SCAF8: variants seen among roughly 807,000 people sequenced by gnomAD.
The protein encoded by SCAF8 is SR-related and CTD-associated factor 8.
Under a neutral mutation model 140.5 loss-of-function variants are expected in SCAF8, and 23 were observed. That is an observed-to-expected ratio of 0.16 (90% confidence interval 0.12 to 0.23). SCAF8 has a LOEUF of 0.23. Ranked by LOEUF, SCAF8 falls within the 10% of genes least tolerant of loss-of-function variation. The pLI, the probability that SCAF8 is intolerant of heterozygous loss-of-function variation, is 1.00. For synonymous variants in SCAF8, 575 were observed against 528.9 expected, an observed-to-expected ratio of 1.09 and a Z score of -1.20; for missense variants, 1,397 against 1,555.7, an observed-to-expected ratio of 0.90 and a Z score of 1.72.
chr6:154,767,294 A>C (rs1346718275), intron 1 of SCAF8, among the ~76,000 whole-genome samples: 1 of 152,140 alleles, frequency 6.6e-6, no homozygotes, highest in Non-Finnish European at 1.5e-5. Context: ...CATTTGCACA[A>C]AACAGTGGAG....
At chr6:154,754,299 T>C (rs1210190898) in intron 1 of SCAF8, among the ~76,000 whole-genome samples, 1 of 152,250 alleles carries the variant, frequency 6.6e-6, no homozygotes, top group East Asian at 1.9e-4. Flanking sequence ...AATCTTTTGT[T>C]TTTAAAGTCT....
At chr6:154,793,467 A>T (rs1019687976) in intron 5 of SCAF8, among the ~76,000 whole-genome samples, 5 of 151,610 alleles carry the variant, frequency 3.3e-5, no homozygotes, top group Admixed American at 2.6e-4. Flanking sequence ...TTTTTTCATA[A>T]TTTTTTCATA....
At chr6:154,760,071 A>G (rs1289512660) in intron 1 of SCAF8, among the ~76,000 whole-genome samples, 8 of 151,968 alleles carry the variant, frequency 5.3e-5, no homozygotes, top group Non-Finnish European at 8.8e-5. Context: ...TGGGCAGATC[A>G]CTTGAAGTCA....
intron 1 of SCAF8, among the ~76,000 whole-genome samples, chr6:154,760,276 A>G (rs920717019): frequency 1.3e-5 from 2 of 152,208 alleles, no homozygotes; most frequent in African/African-American, 4.8e-5. Flanking sequence ...CCTGGGCAAC[A>G]GAGCAAGACT....
At chr6:154,831,372 T>C (rs1163671712) in intron 19 of SCAF8, among the ~76,000 whole-genome samples, 1 of 151,804 alleles carries the variant, frequency 6.6e-6, no homozygotes, top group Non-Finnish European at 1.5e-5. Context: ...CACCACCCCC[T>C]TTTTTTTGTC....
In SCAF8 at chr6:154,820,185, G is replaced by T; in HGVS notation, c.1644G>T (p.Trp548Cys). 1.3e-6 allele frequency: 2 copies of T among 1,591,868 alleles called. No homozygotes were observed. The highest frequency in any genetic ancestry group is 8.5e-7 in the Non-Finnish European group (1 of 1,173,344). The stretch of plus-strand genomic sequence containing the variant: ...CTTCCCATTTACAATAGATCGCTTG[G>T]GCTTTAAACAAAGGTGTAAAAACAG... ...KIGSKVIKIAWALNKGVKTEY... is the reference protein window; with the variant it reads ...KIGSKVIKIACALNKGVKTEY... The change falls in exon 15 of 20, where the codon TGG becomes TGT. Residue 548 changes from tryptophan to cysteine, a missense_variant. Coordinates refer to ENST00000367178, the MANE Select transcript of SCAF8 (RefSeq NM_014892.5).
At position 154,733,859 on chromosome 6, in the gene SCAF8, C is replaced by T. The variant is rs1778332375; in HGVS notation, c.-42C>T. 1 of 1,541,098 alleles carries T rather than the reference C, an allele frequency of 6.5e-7. No homozygotes were observed. Among genetic ancestry groups the T allele is most frequent in the Non-Finnish European group, 8.7e-7 (1 of 1,150,122 alleles). ...TCTCCCCACCCAGTGCAGTGGCCGC[C>T]GCCTCTTCCGCCGCCGGGCTCGGGG... On this transcript the variant is annotated 5_prime_UTR_variant, in exon 1 of 20. Coordinates refer to ENST00000367178, the MANE Select transcript of SCAF8 (RefSeq NM_014892.5).
intron 1 of SCAF8, among the ~76,000 whole-genome samples, chr6:154,744,072 A>G (rs1778636558): frequency 6.6e-6 from 1 of 152,198 alleles, no homozygotes; most frequent in Non-Finnish European, 1.5e-5. Flanking sequence ...AGGTGGGTGG[A>G]TCACGAGGTC....
intron 3 of SCAF8, among the ~76,000 whole-genome samples, chr6:154,780,007 A>G (rs895093440): frequency 6.6e-6 from 1 of 152,146 alleles, no homozygotes; most frequent in South Asian, 2.1e-4. Context: ...ATTGTCTTAC[A>G]TGCACTCATT....
Position 154,802,048 on chromosome 6 carries a change from T to A in SCAF8, c.684T>A (p.Gly228=). ...QPSILQALDA[G]LVVQLQALTA... is the part of the protein sequence containing the mutation. ...CCATTCTGCAGGCCCTAGATGCTGG[T>A]CTTGTTGTTCAGTTGCAAGCTCTTA... The change falls in exon 7 of 20, where the codon GGT becomes GGA. Residue 228 remains glycine, a synonymous_variant. Transcript: ENST00000367178. 1 of 1,613,356 alleles carries A rather than the reference T, an allele frequency of 6.2e-7. No individual in the cohort carries two copies. Among genetic ancestry groups the A allele is most frequent in the Non-Finnish European group, 8.5e-7 (1 of 1,179,538 alleles).
At chr6:154,736,020 C>T (rs1778408052) in intron 1 of SCAF8, among the ~76,000 whole-genome samples, 1 of 151,700 alleles carries the variant, frequency 6.6e-6, no homozygotes, top group African/African-American at 2.4e-5. Context: ...GAGAGGAGGT[C>T]TTGTTATGTT....
chr6:154,783,103 T>G (rs933045439), intron 3 of SCAF8, among the ~76,000 whole-genome samples: 3 of 152,212 alleles, frequency 2.0e-5, no homozygotes, highest in Non-Finnish European at 4.4e-5. Flanking sequence ...ACCTCATGAT[T>G]TGGTGACTTT....
At chr6:154,746,085 C>T (rs1417345490) in intron 1 of SCAF8, among the ~76,000 whole-genome samples, 1 of 152,162 alleles carries the variant, frequency 6.6e-6, no homozygotes, top group Non-Finnish European at 1.5e-5. Flanking sequence ...GAGGTTTTGC[C>T]ATGTTGGCCA....
intron 1 of SCAF8, among the ~76,000 whole-genome samples, chr6:154,752,248 T>C (rs1778855908): frequency 6.6e-6 from 1 of 152,064 alleles, no homozygotes; most frequent in East Asian, 1.9e-4. Context: ...AGGAAGGAGA[T>C]GGTGGTTTTA....
intron 1 of SCAF8, among the ~76,000 whole-genome samples, chr6:154,734,459 G>A (rs112802043): frequency 1.3e-5 from 2 of 152,332 alleles, no homozygotes; most frequent in African/African-American, 4.8e-5. Context: ...TAATTTGCCA[G>A]CTAGGGACTT....
rs1583076313 is a variant in SCAF8, at chr6:154,831,955, T to A, written c.2376T>A (p.Ile792=). 2.5e-6 allele frequency: 4 copies of A among 1,594,820 alleles called. No homozygotes were observed. The South Asian group carries it at 3.4e-5, about 14-fold the overall frequency. Residue 792 remains isoleucine, a synonymous_variant, in exon 20 of 20, where the codon ATT becomes ATA. Transcript: ENST00000367178. ...ENTRSVIPND[I]SSNAAILGGQ... ...TTTTTTTAGTGATTCCAAATGATAT[T>A]TCAAGTAATGCTGCAATTTTAGGAG... is the stretch of plus-strand genomic sequence containing the variant.
intron 1 of SCAF8, among the ~76,000 whole-genome samples, chr6:154,772,826 C>T (rs1776809623): frequency 6.6e-6 from 1 of 152,128 alleles, no homozygotes; most frequent in Non-Finnish European, 1.5e-5. Flanking sequence ...GTAGTGCAAT[C>T]TCTGCTCACT....
intron 12 of SCAF8, among the ~76,000 whole-genome samples, chr6:154,813,381 C>T (rs1778152544): frequency 6.6e-6 from 1 of 152,046 alleles, no homozygotes; most frequent in South Asian, 2.1e-4. Flanking sequence ...CTTAGCCAAG[C>T]ATGGTGATGG....
At chr6:154,831,361 C>T (rs1490260149) in intron 19 of SCAF8, among the ~76,000 whole-genome samples, 2 of 152,008 alleles carry the variant, frequency 1.3e-5, no homozygotes, top group African/African-American at 4.8e-5. Flanking sequence ...GACCCTCACA[C>T]CACCACCCCC....
Sources: allele counts gnomAD v4.1 joint callset (sites outside exome capture counted in the v4.1 genomes callset), GRCh38; gene constraint gnomAD v4.1.1; transcripts MANE v1.5; gene names NCBI Gene and HGNC (gene_info 2026-07-23, HGNC 2026-07-21).